Variants in NLGN1 observed in about 807,000 individuals in gnomAD.
NLGN1 encodes the protein neuroligin-1.
NLGN1 carries 12 observed loss-of-function variants against 65.5 expected under a neutral mutation model. That is an observed-to-expected ratio of 0.18 (90% CI 0.12 to 0.30). The LOEUF is 0.30. Ranked by LOEUF, NLGN1 falls within the 10% of genes least tolerant of loss-of-function variation. NLGN1 has a pLI of 1.00. For missense variants in NLGN1, 750 were observed against 1,007.1 expected, an observed-to-expected ratio of 0.74 and a Z score of 3.46; for synonymous variants, 350 against 359.5, an observed-to-expected ratio of 0.97 and a Z score of 0.30.
chr3:173,704,709 A>T (rs1409473609), intron 3 of NLGN1, among the ~76,000 whole-genome samples: 1 of 152,192 alleles, frequency 6.6e-6, no homozygotes, highest in Non-Finnish European at 1.5e-5. Flanking sequence ...GTTAATGATG[A>T]TAAAAATGAT....
chr3:173,632,446 C>G (rs1033650290), intron 3 of NLGN1, among the ~76,000 whole-genome samples: 1 of 152,064 alleles, frequency 6.6e-6, no homozygotes, highest in African/African-American at 2.4e-5. Flanking sequence ...GTGGAAGATG[C>G]CTGTAGTCAC....
Position 174,238,510 on chromosome 3 carries a change from G to A in NLGN1, c.647-36805G>A, listed in dbSNP as rs144958926. Among the ~76,000 whole-genome samples, 1,428 of 151,998 alleles carry A rather than the reference G, an allele frequency of 9.4e-3. 13 individuals are homozygous for A. Among genetic ancestry groups the A allele is most frequent in the Non-Finnish European group, 0.014 (945 of 67,944 alleles). On this transcript the variant is annotated intron_variant, in intron 4 of 6. Transcript: ENST00000457714. ...TCTGAGTAGCTGGGACTACAGGTGCGTGCCACCATGCCCAGCTACTTTTTG... is the reference window on the plus strand; with the variant it reads ...TCTGAGTAGCTGGGACTACAGGTGCATGCCACCATGCCCAGCTACTTTTTG...
At chr3:174,215,961 C>A (rs1411256199) in intron 4 of NLGN1, among the ~76,000 whole-genome samples, 1 of 152,094 alleles carries the variant, frequency 6.6e-6, no homozygotes, top group African/African-American at 2.4e-5. Flanking sequence ...ATACTTGCTC[C>A]CTCTTCAACA....
At chr3:173,953,975 T>A (rs1321990728) in intron 4 of NLGN1, among the ~76,000 whole-genome samples, 1 of 152,054 alleles carries the variant, frequency 6.6e-6, no homozygotes, top group South Asian at 2.1e-4. Context: ...TAAAGTTAAA[T>A]GATAAAGGAA....
chr3:174,083,312 T>C (rs1220673842), intron 4 of NLGN1, among the ~76,000 whole-genome samples: 1 of 152,046 alleles, frequency 6.6e-6, no homozygotes, highest in Non-Finnish European at 1.5e-5. Context: ...AATGGGTATA[T>C]ACAAATAATC....
chr3:174,046,020 A>G (rs1490863595), intron 4 of NLGN1, among the ~76,000 whole-genome samples: 1 of 152,188 alleles, frequency 6.6e-6, no homozygotes, highest in Non-Finnish European at 1.5e-5. Flanking sequence ...ATTTGTTCAG[A>G]AAATATTTGG....
chr3:173,542,409 C>G (rs1308910059), intron 2 of NLGN1, among the ~76,000 whole-genome samples: 1 of 151,966 alleles, frequency 6.6e-6, no homozygotes, highest in African/African-American at 2.4e-5. Flanking sequence ...CCCCCTCATT[C>G]CCATTGCTTG....
At chr3:173,615,016 C>T (rs1752847366) in intron 3 of NLGN1, among the ~76,000 whole-genome samples, 1 of 152,014 alleles carries the variant, frequency 6.6e-6, no homozygotes, top group Admixed American at 6.6e-5. Context: ...CTCTGAAAGG[C>T]CAGAGATGAG....
At chr3:173,787,059 A>G (rs111831195) in intron 3 of NLGN1, among the ~76,000 whole-genome samples, 7,132 of 142,294 alleles carry the variant, frequency 0.05, 558 homozygotes, top group African/African-American at 0.18. Context: ...TCTGGGAAAC[A>G]AGAGCAAAAC....
At chr3:174,053,367 A>C (rs1735338046) in intron 4 of NLGN1, among the ~76,000 whole-genome samples, 1 of 152,024 alleles carries the variant, frequency 6.6e-6, no homozygotes, top group African/African-American at 2.4e-5. Context: ...TATTTTTAAA[A>C]TGTATGCTTC....
intron 3 of NLGN1, among the ~76,000 whole-genome samples, chr3:173,744,729 C>T (rs1425683702): frequency 2.0e-5 from 3 of 152,076 alleles, no homozygotes; most frequent in Admixed American, 2.0e-4. Flanking sequence ...TGCTATGTAT[C>T]ACATCCTTAT....
chr3:174,226,598 C>T (rs1739745250), intron 4 of NLGN1, among the ~76,000 whole-genome samples: 1 of 152,086 alleles, frequency 6.6e-6, no homozygotes, highest in African/African-American at 2.4e-5. Context: ...TTTTGTCAAG[C>T]TCAGCTTTTA....
rs189745263 is a variant in NLGN1 at position 173,482,827 on chromosome 3, A to G, written c.-321+47749A>G. ...GAATGCCTAAAACTGTAGGCAGACAATGTCCTTAATTATTAACAACTATTA... is the reference window on the plus strand; with the variant it reads ...GAATGCCTAAAACTGTAGGCAGACAGTGTCCTTAATTATTAACAACTATTA... On this transcript the variant is annotated intron_variant, in intron 2 of 6. Transcript: ENST00000457714. Among the ~76,000 whole-genome samples, 58 of 152,180 alleles carry G rather than the reference A, an allele frequency of 3.8e-4. No individual in the cohort carries two copies. In the East Asian group the frequency reaches 0.01, roughly 27 times the overall value.
downstream of NLGN1, among the ~76,000 whole-genome samples, chr3:174,288,931 C>T (rs1752431420): frequency 6.6e-6 from 1 of 151,348 alleles, no homozygotes; most frequent in Non-Finnish European, 1.5e-5. Context: ...TTCTACTGCC[C>T]TTGATCATTT....
chr3:173,780,686 C>T lies in NLGN1; in HGVS notation c.494-26994C>T, dbSNP rs147204285. On this transcript the variant is annotated intron_variant, in intron 3 of 6. Coordinates refer to ENST00000457714, the Ensembl canonical transcript of NLGN1. ...TTCTAAAAGTCAGTAGAGATGTGTG[C>T]ACAAATAAAGTTGTTTGTAGAGCAA... is the stretch of plus-strand genomic sequence containing the variant. 4.4e-3 allele frequency among the ~76,000 whole-genome samples: 675 copies of T among 152,110 alleles called. 5 individuals are homozygous for T. Among genetic ancestry groups the T allele is most frequent in the African/African-American group, 0.016 (648 of 41,502 alleles).
chr3:173,885,112 C>G (rs527996709), intron 4 of NLGN1, among the ~76,000 whole-genome samples: 1 of 152,078 alleles, frequency 6.6e-6, no homozygotes, highest in Non-Finnish European at 1.5e-5. Flanking sequence ...ACCACAGAAA[C>G]CAAAATGGTA....
At chr3:173,417,177 G>A (rs565226684) in intron 1 of NLGN1, among the ~76,000 whole-genome samples, 10 of 151,798 alleles carry the variant, frequency 6.6e-5, no homozygotes, top group Non-Finnish European at 1.5e-4. Context: ...AATATCTATG[G>A]TGTCGCAAAT....
At chr3:173,706,845 A>G (rs1445614607) in intron 3 of NLGN1, among the ~76,000 whole-genome samples, 3 of 152,222 alleles carry the variant, frequency 2.0e-5, no homozygotes, top group African/African-American at 4.8e-5. Flanking sequence ...ACGCACACAC[A>G]CACATCTTTT....
chr3:173,417,429 T>C (rs1224694946), intron 1 of NLGN1, among the ~76,000 whole-genome samples: 2 of 151,940 alleles, frequency 1.3e-5, no homozygotes, highest in Non-Finnish European at 2.9e-5. Flanking sequence ...TTACAAAAAA[T>C]AGTGATTTTC....
Sources: allele counts gnomAD v4.1 joint callset (sites outside exome capture counted in the v4.1 genomes callset), GRCh38; gene constraint gnomAD v4.1.1; transcripts MANE v1.5; gene names NCBI Gene and HGNC (gene_info 2026-07-23, HGNC 2026-07-21).